The following CDC42BPB variants were observed in gnomAD, a reference collection of about 807,000 sequenced individuals.
The protein encoded by CDC42BPB is serine/threonine-protein kinase MRCK beta.
CDC42BPB carries 37 observed loss-of-function variants against 214.9 expected under a neutral mutation model. That is an observed-to-expected ratio of 0.17 (90% confidence interval 0.13 to 0.23). The LOEUF (loss-of-function observed/expected upper bound fraction) is 0.23, where lower values mean the gene tolerates loss of function less well. CDC42BPB is among the 10% of genes least tolerant of loss of function. The pLI is 1.00. For synonymous variants in CDC42BPB, 931 were observed against 884.0 expected (o/e 1.05, Z -0.94); for missense variants, 1,694 against 2,227.0 (o/e 0.76, Z 4.82).
At chr14:103,037,330 T>C (rs1887718614) in intron 1 of CDC42BPB, among the ~76,000 whole-genome samples, 1 of 152,028 alleles carries the variant, frequency 6.6e-6, no homozygotes, top group East Asian at 1.9e-4. Context: ...TCTCACTGTG[T>C]CACCCAGGCT....
intron 16 of CDC42BPB, among the ~76,000 whole-genome samples, chr14:102,967,780 G>A (rs538137981): frequency 6.6e-6 from 1 of 152,306 alleles, no homozygotes; most frequent in East Asian, 1.9e-4. Flanking sequence ...TCGTTATATG[G>A]CACATTACTG....
chr14:103,014,781 AAAAG>A (rs1039765934), intron 1 of CDC42BPB, among the ~76,000 whole-genome samples: 3 of 152,118 alleles, frequency 2.0e-5, no homozygotes, highest in Admixed American at 1.3e-4. Flanking sequence ...GAGTTATTAA[AAAAG>A]AAAGAAAGGC....
intron 5 of CDC42BPB, among the ~76,000 whole-genome samples, chr14:102,993,770 G>C (rs1894603330): frequency 6.6e-6 from 1 of 152,184 alleles, no homozygotes; most frequent in African/African-American, 2.4e-5. Context: ...AATGCATACA[G>C]GACAAATGTA....
chr14:103,045,113 G>A (rs1443967749), intron 1 of CDC42BPB, among the ~76,000 whole-genome samples: 2 of 151,972 alleles, frequency 1.3e-5, no homozygotes, highest in African/African-American at 2.4e-5. Context: ...CAAAGTGATA[G>A]ACTGAATTAT....
rs972830251 is a variant in CDC42BPB at position 102,940,231 on chromosome 14, C to T, written c.4502G>A (p.Arg1501Gln). The T allele has an allele frequency of 2.3e-5, 37 of 1,603,100 alleles. No homozygotes were observed. Among genetic ancestry groups the T allele is most frequent in the Non-Finnish European group, 3.1e-5 (36 of 1,175,252 alleles). ...AGGGCACCGAGGCCGCCTTACCCTC[C>T]GCAGGCCGATGGTCTGCACCCACTC... ...TMEWVQTIGL[R>Q]RIRPLNSEGT... is the part of the protein sequence containing the mutation. The change falls in exon 31 of 37, where the codon CGG (arginine) becomes CAG (glutamine). Residue 1501 changes from arginine (R) to glutamine (Q), a missense_variant. This residue lies in a region of CDC42BPB where 567 missense variants were observed against 790.3 expected (regional missense o/e 0.72). Coordinates refer to ENST00000361246, the MANE Select transcript of CDC42BPB (RefSeq NM_006035.4).
At position 102,940,544 on chromosome 14, in the gene CDC42BPB, T is replaced by G. The variant is rs886106066; in HGVS notation, c.4409-220A>C. 21 of 1,278,224 alleles carry G rather than the reference T, an allele frequency of 1.6e-5. No homozygotes were observed. In the Admixed American group the frequency reaches 3.4e-4, roughly 21 times the overall value. The allele number at this position is 1,278,224 out of a possible 1,614,324, so 79.2% of individuals were successfully genotyped here. A position where few individuals can be genotyped will look rare whatever the true frequency, so the allele number is the denominator to read the frequency against. On this transcript the variant is annotated intron_variant, in intron 30 of 36. Transcript: ENST00000361246. ...CAATGTTTAAATGCTCCACAATCAC[T>G]TCCGTAACTAATATTTTGAATACTA...
intron 5 of CDC42BPB, among the ~76,000 whole-genome samples, chr14:102,989,645 G>T (rs1200048739): frequency 6.6e-6 from 1 of 152,150 alleles, no homozygotes; most frequent in Non-Finnish European, 1.5e-5. Flanking sequence ...GGCTGAGGTG[G>T]AAGGATCGCC....
At chr14:103,043,333 A>C (rs1888113227) in intron 1 of CDC42BPB, among the ~76,000 whole-genome samples, 1 of 152,232 alleles carries the variant, frequency 6.6e-6, no homozygotes, top group Non-Finnish European at 1.5e-5. Flanking sequence ...AGCTGTCCAC[A>C]CAACGGAGTA....
intron 1 of CDC42BPB, among the ~76,000 whole-genome samples, chr14:103,036,855 C>T (rs763421344): frequency 9.9e-5 from 15 of 152,196 alleles, no homozygotes; most frequent in African/African-American, 2.9e-4. Context: ...CTGGCTCTGT[C>T]GCCCAGGCTG....
rs1423522944 is a variant in CDC42BPB at position 102,945,677 on chromosome 14, C to G, written c.3796G>C (p.Glu1266Gln). The G allele has an allele frequency of 6.8e-6, 11 of 1,612,814 alleles. No homozygotes were observed. Among genetic ancestry groups the G allele is most frequent in the African/African-American group, 1.3e-5 (1 of 74,946 alleles). Reference sequence around the variant, plus strand: ...GCTCACTCACCATCTCGGGTGACCTCTATGACATAGAGCCCTTCTTCTAGG... The same window carrying G: ...GCTCACTCACCATCTCGGGTGACCTGTATGACATAGAGCCCTTCTTCTAGG... ...VGLEEGLYVI[E>Q]VTRDVIVRAA... Residue 1266 changes from glutamate to glutamine, a missense_variant, in exon 29 of 37, where the codon GAG becomes CAG. Transcript: ENST00000361246.
rs369894140 is a variant in CDC42BPB, at chr14:103,005,124, T to C, written c.352-1101A>G. Among the ~76,000 whole-genome samples, 69 of 149,458 alleles carry C rather than the reference T, an allele frequency of 4.6e-4. 1 individual carries two copies. The East Asian group carries it at 0.01, about 22-fold the overall frequency. ...CGGAGCTTGCAGTGAGCCGAGATCA[T>C]GCCACTGCACTCCAGCCTGGGCGAC... On this transcript the variant is annotated intron_variant, in intron 3 of 36. Transcript: ENST00000361246.
At chr14:102,973,967 A>T in intron 12 of CDC42BPB, 49 bp downstream of exon 12, 1 of 1,561,974 alleles carries the variant, frequency 6.4e-7, no homozygotes, top group Non-Finnish European at 8.7e-7. Context: ...ACCTTACAGA[A>T]TTCTGCAAAG....
rs187342037 is a variant in CDC42BPB, at chr14:102,961,802, C to T, written c.2821+1259G>A. ...AGGTGATCCGCCCACCTCAGCCTCC[C>T]GAAGTGTTGGGATTACAGGCGTGAG... On this transcript the variant is annotated intron_variant, in intron 20 of 36. Coordinates refer to ENST00000361246, the MANE Select transcript of CDC42BPB (RefSeq NM_006035.4). Among the ~76,000 whole-genome samples the T allele has an allele frequency of 3.3e-4, 51 of 152,274 alleles. 1 individual carries two copies. The highest frequency in any genetic ancestry group is 1.2e-3 in the African/African-American group (49 of 41,536).
intron 9 of CDC42BPB, 47 bp from the exon 10 acceptor site, chr14:102,976,096 G>T (rs770145082): frequency 1.3e-6 from 2 of 1,594,686 alleles, no homozygotes; most frequent in East Asian, 4.5e-5. Context: ...AAAATTTAGC[G>T]ATTTCATTAG....
At chr14:103,042,538 C>T (rs1301937617) in intron 1 of CDC42BPB, among the ~76,000 whole-genome samples, 1 of 152,174 alleles carries the variant, frequency 6.6e-6, no homozygotes, top group African/African-American at 2.4e-5. Context: ...TCTCCATCTC[C>T]TGACCTCGTG....
rs1037771601 is a variant in CDC42BPB, at chr14:103,057,120, G to A, written c.54C>T (p.Pro18=). ...KKLEQLLLDG[P]WRNESALSVE... ...CGCTCAGGGCGCTCTCGTTGCGCCA[G>A]GGCCCGTCCAGGAGCAGCTGCTCCA... is the stretch of plus-strand genomic sequence containing the variant. The change falls in exon 1 of 37, where the codon CCC becomes CCT. Residue 18 remains proline, a synonymous_variant. Coordinates refer to ENST00000361246, the MANE Select transcript of CDC42BPB (RefSeq NM_006035.4). The A allele has an allele frequency of 6.6e-6, 10 of 1,518,926 alleles. No homozygotes were observed. In the Admixed American group the frequency reaches 8.4e-5, roughly 13 times the overall value. The allele number at this position is 1,518,926 out of a possible 1,614,324, so 94.1% of individuals were successfully genotyped here. A position where few individuals can be genotyped will look rare whatever the true frequency, so the allele number is the denominator to read the frequency against.
intron 29 of CDC42BPB, chr14:102,945,044 C>T (rs1442254499): frequency 3.1e-6 from 1 of 318,124 alleles, no homozygotes; most frequent in Middle Eastern, 5.5e-4. Flanking sequence ...TAACCCAAGC[C>T]CCTCGCTTGC....
intron 27 of CDC42BPB, among the ~76,000 whole-genome samples, chr14:102,947,470 T>C (rs1892234576): frequency 6.6e-6 from 1 of 151,808 alleles, no homozygotes; most frequent in Non-Finnish European, 1.5e-5. Flanking sequence ...GAAGAGGAGT[T>C]TCAGATGTAG....
intron 1 of CDC42BPB, among the ~76,000 whole-genome samples, chr14:103,048,530 T>TA (rs1262301665): frequency 2.4e-3 from 14 of 5,716 alleles, no homozygotes; most frequent in Non-Finnish European, 5.5e-3. Flanking sequence ...CTACTAAAAA[T>TA]ACAAAAAAAA....
Sources: allele counts gnomAD v4.1 joint callset (sites outside exome capture counted in the v4.1 genomes callset), GRCh38; gene constraint gnomAD v4.1.1; regional missense constraint gnomAD v4.1.1; transcripts MANE v1.5; gene names NCBI Gene and HGNC (gene_info 2026-07-23, HGNC 2026-07-21).